PAG1: variants seen among roughly 807,000 people sequenced by gnomAD.
PAG1 encodes phosphoprotein associated with glycosphingolipid-enriched microdomains 1.
PAG1 carries 23 observed loss-of-function variants against 31.7 expected under a neutral mutation model. That is an observed-to-expected ratio of 0.73 (90% CI 0.52 to 1.03). PAG1 has a LOEUF of 1.03. PAG1 is among the 50% of genes least tolerant of loss of function. The probability of loss-of-function intolerance (pLI) is 0.00; values close to 1 mark genes in which losing one functional copy is unlikely to be tolerated. For missense variants in PAG1, 473 were observed against 540.7 expected, an observed-to-expected ratio of 0.87 and a Z score of 1.24; for synonymous variants, 214 against 210.3, an observed-to-expected ratio of 1.02 and a Z score of -0.15.
intron 3 of PAG1, among the ~76,000 whole-genome samples, chr8:80,994,997 C>A (rs145620056): frequency 3.9e-5 from 6 of 152,332 alleles, no homozygotes; most frequent in African/African-American, 1.2e-4. Context: ...TGAGCACAGA[C>A]ATCAAGACGG....
At chr8:81,039,187 T>C (rs558566074) in intron 2 of PAG1, among the ~76,000 whole-genome samples, 1 of 152,192 alleles carries the variant, frequency 6.6e-6, no homozygotes, top group South Asian at 2.1e-4. Flanking sequence ...TCTGAGCCTG[T>C]TAGGTTTGAT....
rs552111305 is a variant in PAG1 at position 81,016,107 on chromosome 8, C to A, written c.-81+13889G>T. 3.9e-5 allele frequency among the ~76,000 whole-genome samples: 6 copies of A among 152,270 alleles called. No homozygotes were observed. In the East Asian group the frequency reaches 1.2e-3, roughly 29 times the overall value. ...AGAAGCAGAGACATCTAGCTGACTG[C>A]AAGCTGACCAAAGACACAGGCATGA... On this transcript the variant is annotated intron_variant, in intron 3 of 8. Transcript: ENST00000220597.
At chr8:81,050,643 G>A (rs1460785264) in intron 2 of PAG1, among the ~76,000 whole-genome samples, 27 of 152,222 alleles carry the variant, frequency 1.8e-4, no homozygotes, top group Admixed American at 1.6e-3. Flanking sequence ...ATTCATGTGC[G>A]GTAAATACAT....
chr8:81,088,447 G>T (rs1333300228), intron 1 of PAG1, among the ~76,000 whole-genome samples: 1 of 152,062 alleles, frequency 6.6e-6, no homozygotes, highest in East Asian at 1.9e-4. Flanking sequence ...GGGGGTTAGG[G>T]TTACGGCTGG....
At chr8:80,989,484 C>T (rs1237043909) in intron 5 of PAG1, among the ~76,000 whole-genome samples, 9 of 152,086 alleles carry the variant, frequency 5.9e-5, no homozygotes, top group Non-Finnish European at 1.2e-4. Flanking sequence ...GGTGGGCGAG[C>T]GTGTGTACAT....
Position 80,968,986 on chromosome 8 carries a change from C to T in PAG1, c.*7558G>A, listed in dbSNP as rs529625913. 6.6e-6 allele frequency: 1 copy of T among 152,220 alleles called. No homozygotes were observed. Among genetic ancestry groups the T allele is most frequent in the Non-Finnish European group, 1.5e-5 (1 of 68,010 alleles). 9.4% of individuals were successfully genotyped at this position (152,220 alleles called of 1,614,324 possible). A position where few individuals can be genotyped will look rare whatever the true frequency, so the allele number is the denominator to read the frequency against. ...TAGAGTCAACTATACGGTTGATACT[C>T]GAAGCAAATAAAAAGATAATTTTTA... On this transcript the variant is annotated 3_prime_UTR_variant, in exon 9 of 9. Coordinates refer to ENST00000220597, the MANE Select transcript of PAG1 (RefSeq NM_018440.4).
chr8:80,991,824 T>C (rs183564934), intron 4 of PAG1, among the ~76,000 whole-genome samples: 2 of 151,784 alleles, frequency 1.3e-5, no homozygotes, highest in East Asian at 1.9e-4. Context: ...TGCGTAGAAA[T>C]TGTTTATACC....
rs777788859 is a variant in PAG1 at position 80,968,223 on chromosome 8, G to C, written c.*8321C>G. 1 of 152,214 alleles carries C rather than the reference G, an allele frequency of 6.6e-6. No individual in the cohort carries two copies. Among genetic ancestry groups the C allele is most frequent in the African/African-American group, 2.4e-5 (1 of 41,446 alleles). 9.4% of individuals were successfully genotyped at this position (152,214 alleles called of 1,614,324 possible). A position where few individuals can be genotyped will look rare whatever the true frequency, so the allele number is the denominator to read the frequency against. On this transcript the variant is annotated 3_prime_UTR_variant, in exon 9 of 9. Coordinates refer to ENST00000220597, the MANE Select transcript of PAG1 (RefSeq NM_018440.4). The stretch of plus-strand genomic sequence containing the variant: ...ATTTATATAGCACCTTTCTTCCGAA[G>C]AGTTGAAAGCATTCGTGCTTATCTC...
chr8:81,004,780 G>A lies in PAG1; in HGVS notation c.-80-11473C>T, dbSNP rs114500126. Among the ~76,000 whole-genome samples the A allele has an allele frequency of 4.0e-3, 610 of 152,280 alleles. 5 individuals are homozygous for A. The highest frequency in any genetic ancestry group is 0.014 in the African/African-American group (579 of 41,546). ...GCATTGATGCAGCTGCAATGCCCTT[G>A]GACTGATGTTGTTTCAAGCTGAGAA... is the stretch of plus-strand genomic sequence containing the variant. On this transcript the variant is annotated intron_variant, in intron 3 of 8. Transcript: ENST00000220597.
intron 3 of PAG1, among the ~76,000 whole-genome samples, chr8:81,003,384 C>T (rs1807821920): frequency 6.6e-6 from 1 of 152,168 alleles, no homozygotes; most frequent in African/African-American, 2.4e-5. Context: ...GAAGGTTATA[C>T]AGCCGGATCC....
rs984987526 is a variant in PAG1, at chr8:80,970,337, C to A, written c.*6207G>T. 2 of 152,630 alleles carry A rather than the reference C, an allele frequency of 1.3e-5. No homozygotes were observed. Among genetic ancestry groups the A allele is most frequent in the African/African-American group, 2.4e-5 (1 of 41,456 alleles). The allele number at this position is 152,630 out of a possible 1,614,324, so 9.5% of individuals were successfully genotyped here. A position where few individuals can be genotyped will look rare whatever the true frequency, so the allele number is the denominator to read the frequency against. On this transcript the variant is annotated 3_prime_UTR_variant, in exon 9 of 9. Coordinates refer to ENST00000220597, the MANE Select transcript of PAG1 (RefSeq NM_018440.4). ...ATGTTGGCCAGGCAGGTCTCAAACT[C>A]CTGACCTCAAGTGATCCACCTGTCT...
intron 1 of PAG1, among the ~76,000 whole-genome samples, chr8:81,093,883 T>C (rs759718051): frequency 1.2e-4 from 19 of 152,242 alleles, no homozygotes; most frequent in African/African-American, 1.7e-4. Context: ...CCAAACGGCC[T>C]GCCTTGCCCT....
chr8:81,041,871 C>A (rs73694025), intron 2 of PAG1, among the ~76,000 whole-genome samples: 9,055 of 152,234 alleles, frequency 0.059, 439 homozygotes, highest in African/African-American at 0.14. Flanking sequence ...CACGGCTCAC[C>A]ATAATATCCA....
chr8:81,066,948 C>A (rs1247887205), intron 2 of PAG1, among the ~76,000 whole-genome samples: 1 of 152,078 alleles, frequency 6.6e-6, no homozygotes, highest in African/African-American at 2.4e-5. Context: ...CTCGCTTGAG[C>A]CCAGGAGTTT....
At chr8:81,007,352 G>A (rs1380966459) in intron 3 of PAG1, among the ~76,000 whole-genome samples, 2 of 151,788 alleles carry the variant, frequency 1.3e-5, no homozygotes, top group Non-Finnish European at 2.9e-5. Context: ...GGTGGCTCAC[G>A]CCTATAATCC....
At chr8:81,097,045 T>C (rs1809539830) in intron 1 of PAG1, among the ~76,000 whole-genome samples, 2 of 151,872 alleles carry the variant, frequency 1.3e-5, no homozygotes, top group African/African-American at 2.4e-5. Context: ...CCTTCCACAA[T>C]TGCTCTCATT....
intron 1 of PAG1, among the ~76,000 whole-genome samples, chr8:81,078,252 A>C (rs564999053): frequency 3.3e-5 from 5 of 152,254 alleles, no homozygotes; most frequent in Non-Finnish European, 7.3e-5. Context: ...CTATTACTAA[A>C]GACATTTTGT....
At chr8:81,091,839 AG>A (rs577375414) in intron 1 of PAG1, among the ~76,000 whole-genome samples, 7 of 149,484 alleles carry the variant, frequency 4.7e-5, no homozygotes, top group African/African-American at 1.8e-4. Flanking sequence ...AAGAAGAAGA[AG>A]AAGAAAAAAA....
Position 80,970,053 on chromosome 8 carries a change from G to C in PAG1, c.*6491C>G, listed in dbSNP as rs948651615. 2 of 152,140 alleles carry C rather than the reference G, an allele frequency of 1.3e-5. No individual in the cohort carries two copies. The highest frequency in any genetic ancestry group is 2.9e-5 in the Non-Finnish European group (2 of 68,026). The allele number at this position is 152,140 out of a possible 1,614,324, so 9.4% of individuals were successfully genotyped here. On this transcript the variant is annotated 3_prime_UTR_variant, in exon 9 of 9. Coordinates refer to ENST00000220597, the MANE Select transcript of PAG1 (RefSeq NM_018440.4). ...TAGGCACTGTTTCCTGGGGGAGAGGGTGCAATGGCTTCATGGTGAAAACAT... is the reference window on the plus strand; with the variant it reads ...TAGGCACTGTTTCCTGGGGGAGAGGCTGCAATGGCTTCATGGTGAAAACAT...
Sources: allele counts gnomAD v4.1 joint callset (sites outside exome capture counted in the v4.1 genomes callset), GRCh38; gene constraint gnomAD v4.1.1; transcripts MANE v1.5; gene names NCBI Gene and HGNC (gene_info 2026-07-23, HGNC 2026-07-21).